ZNF595: variants seen among roughly 807,000 people sequenced by gnomAD.
The protein encoded by ZNF595 is zinc finger protein 595.
In ZNF595, 9 loss-of-function variants were observed where a neutral mutation model predicts 19.4. The ratio of observed to expected loss-of-function variants is 0.46; its 90% confidence interval spans 0.28 to 0.81. The LOEUF is 0.81. Ranked by LOEUF, ZNF595 falls within the 30% of genes least tolerant of loss-of-function variation. The pLI is 0.11. For synonymous variants in ZNF595, 255 were observed against 255.9 expected (o/e 1.00, Z 0.03); for missense variants, 729 against 736.0 (o/e 0.99, Z 0.11).
At position 86,223 on chromosome 4, in the gene ZNF595, C is replaced by A. The variant is rs782660675; in HGVS notation, c.719C>A (p.Ser240Tyr). ...GAATGTGGCAAAGCCTTTAGACGGT[C>A]CACAGTTCTGAACGAACATAAGAAA... ...CEECGKAFRRSTVLNEHKKIH... is the reference protein window; with the variant it reads ...CEECGKAFRRYTVLNEHKKIH... The change falls in exon 4 of 4, where the codon TCC (serine) becomes TAC (tyrosine). Residue 240 changes from serine (S) to tyrosine (Y), a missense_variant. This residue lies in a region of ZNF595 where 729 missense variants were observed against 675.3 expected (regional missense o/e 1.08). Coordinates refer to ENST00000610261, the MANE Select transcript of ZNF595 (RefSeq NM_182524.4). The A allele has an allele frequency of 6.2e-7, 1 of 1,611,684 alleles. No individual in the cohort carries two copies. The highest frequency in any genetic ancestry group is 8.5e-7 in the Non-Finnish European group (1 of 1,178,180).
In ZNF595 at chr4:87,266, G is replaced by A. The variant is rs782528041; in HGVS notation, c.1762G>A (p.Gly588Arg). The change falls in exon 4 of 4, where the codon GGA (glycine) becomes AGA (arginine). Residue 588 changes from glycine (G) to arginine (R), a missense_variant. This residue lies in a region of ZNF595 where 729 missense variants were observed against 675.3 expected (regional missense o/e 1.08). Coordinates refer to ENST00000610261, the MANE Select transcript of ZNF595 (RefSeq NM_182524.4). ...TLTKHKRIHT[G>R]EKPFTCEECG... ...TACTAAACATAAGAGAATTCATACT[G>A]GAGAGAAACCCTTCACATGTGAAGA... 1.2e-6 allele frequency: 2 copies of A among 1,612,082 alleles called. No individual in the cohort carries two copies. The highest frequency in any genetic ancestry group is 1.7e-5 in the Admixed American group (1 of 59,892).
At chr4:73,986 C>G (rs1362760911) in intron 3 of ZNF595, among the ~76,000 whole-genome samples, 1 of 152,014 alleles carries the variant, frequency 6.6e-6, no homozygotes, top group Non-Finnish European at 1.5e-5. Context: ...GGTTGGTGTT[C>G]AGCAAACTCC....
chr4:54,928 C>G (rs1218907888), intron 1 of ZNF595, among the ~76,000 whole-genome samples: 1 of 152,310 alleles, frequency 6.6e-6, no homozygotes, highest in Non-Finnish European at 1.5e-5. Context: ...GTTGCCCAGG[C>G]TGGAGTGCAG....
intron 3 of ZNF595, among the ~76,000 whole-genome samples, chr4:85,127 T>C (rs1714078183): frequency 6.6e-6 from 1 of 152,204 alleles, no homozygotes; most frequent in South Asian, 2.1e-4. Context: ...GTCTGGAATT[T>C]TGTGTTTGTT....
At chr4:66,780 G>T (rs1202525704) in intron 3 of ZNF595, among the ~76,000 whole-genome samples, 4 of 152,154 alleles carry the variant, frequency 2.6e-5, no homozygotes, top group African/African-American at 9.7e-5. Context: ...TGAGTTCTGT[G>T]TTCTGTTCCA....
chr4:86,819 CT>C lies in ZNF595; in HGVS notation c.1317del (p.Ile440TyrfsTer28), dbSNP rs782407055. ...CAAAGCTTTTAACCAATCCTCAACT[CT>C]TATATTACACAAGAGAATCCATTCT... ...CGKAFNQSST[L>X]ILHKRIHSGQ... On this transcript the variant is annotated frameshift_variant, in exon 4 of 4. Coordinates refer to ENST00000610261, the MANE Select transcript of ZNF595 (RefSeq NM_182524.4). LOFTEE classifies it high-confidence loss of function. The C allele has an allele frequency of 5.6e-6, 9 of 1,613,684 alleles. No homozygotes were observed. Among genetic ancestry groups the C allele is most frequent in the African/African-American group, 1.3e-5 (1 of 74,856 alleles).
intron 3 of ZNF595, chr4:68,111 C>CA: frequency 2.2e-6 from 1 of 459,658 alleles, no homozygotes. Context: ...GTGATCCGCC[C>CA]ATTTCGGCCT....
intron 3 of ZNF595, among the ~76,000 whole-genome samples, chr4:80,172 A>T (rs551947759): frequency 6.6e-6 from 1 of 152,234 alleles, no homozygotes; most frequent in South Asian, 2.1e-4. Flanking sequence ...ATAGGCATGC[A>T]CCACCATGCC....
intron 3 of ZNF595, 99 bp from the exon 4 acceptor site, chr4:85,632 T>G: frequency 7.5e-7 from 1 of 1,340,296 alleles, no homozygotes; most frequent in Non-Finnish European, 1.0e-6. Context: ...TTATGCTATC[T>G]TACTAATGCA....
Position 87,285 on chromosome 4 carries a change from G to C in ZNF595, c.1781G>C (p.Cys594Ser), listed in dbSNP as rs781850863. The change falls in exon 4 of 4, where the codon TGT becomes TCT. Residue 594 changes from cysteine (C) to serine (S), a missense_variant. This residue lies in a region of ZNF595 where 729 missense variants were observed against 675.3 expected (regional missense o/e 1.08). Transcript: ENST00000610261. ...CATACTGGAGAGAAACCCTTCACAT[G>C]TGAAGAATGTGGCAAAGCCTTCAAT... ...RIHTGEKPFT[C>S]EECGKAFNWS... The C allele has an allele frequency of 8.1e-6, 13 of 1,613,620 alleles. No individual in the cohort carries two copies. The highest frequency in any genetic ancestry group is 1.1e-5 in the Non-Finnish European group (13 of 1,179,752).
rs1006487805 is a variant in ZNF595, at chr4:83,181, T to C, written c.227-2550T>C. 4.6e-5 allele frequency among the ~76,000 whole-genome samples: 7 copies of C among 152,224 alleles called. No homozygotes were observed. The East Asian group carries it at 7.7e-4, about 17-fold the overall frequency. ...ATGAGCTTTTAGTTAAAATAAGTTT[T>C]ATGAAATGGGAGTTTTTGACTTTAG... is the stretch of plus-strand genomic sequence containing the variant. On this transcript the variant is annotated intron_variant, in intron 3 of 3. Coordinates refer to ENST00000610261, the MANE Select transcript of ZNF595 (RefSeq NM_182524.4).
At chr4:74,345 G>A (rs13125667) in intron 3 of ZNF595, among the ~76,000 whole-genome samples, 11,813 of 152,204 alleles carry the variant, frequency 0.078, 525 homozygotes, top group East Asian at 0.16. Context: ...TCTTTTAGGT[G>A]TAGTTCTTTA....
chr4:65,230 T>C (rs1371582201), intron 3 of ZNF595, among the ~76,000 whole-genome samples: 84 of 143,226 alleles, frequency 5.9e-4, no homozygotes, highest in African/African-American at 2.0e-3. Context: ...GGGCCTGCTT[T>C]TCCCAAATAA....
chr4:54,720 C>T (rs1276220263), intron 1 of ZNF595, among the ~76,000 whole-genome samples: 2 of 152,182 alleles, frequency 1.3e-5, no homozygotes, highest in East Asian at 3.9e-4. Context: ...AACCGCAGAC[C>T]GGATCTACAG....
intron 1 of ZNF595, among the ~76,000 whole-genome samples, chr4:57,478 C>CCCATAAT (rs1581361841): frequency 2.0e-5 from 3 of 151,462 alleles, no homozygotes; most frequent in East Asian, 1.9e-4. Context: ...GGCATCAGCC[C>CCCATAAT]AGGGTCACTG....
rs1376373472 is a variant in ZNF595, at chr4:74,397, G to GTAT, written c.227-11331_227-11329dup. On this transcript the variant is annotated intron_variant, in intron 3 of 3. Transcript: ENST00000610261. ...TTGTTTTCTGTCTGAATGATGTGTT[G>GTAT]TATTAAGTAGGGCAATAAAGTTCCC... Among the ~76,000 whole-genome samples the GTAT allele has an allele frequency of 2.6e-5, 4 of 152,288 alleles. No individual in the cohort carries two copies. In the East Asian group the frequency reaches 5.8e-4, roughly 22 times the overall value.
intron 3 of ZNF595, among the ~76,000 whole-genome samples, chr4:64,488 TCA>T (rs1713000525): frequency 6.6e-6 from 1 of 152,312 alleles, no homozygotes; most frequent in Non-Finnish European, 1.5e-5. Flanking sequence ...GCATAGTGAC[TCA>T]CACCTGTAAT....
chr4:78,423 A>G (rs1713764285), intron 3 of ZNF595, among the ~76,000 whole-genome samples: 1 of 152,242 alleles, frequency 6.6e-6, no homozygotes, highest in African/African-American at 2.4e-5. Context: ...ATTAAAATGT[A>G]CATATAAATC....
intron 3 of ZNF595, among the ~76,000 whole-genome samples, chr4:77,276 G>T: frequency 6.6e-6 from 1 of 150,488 alleles, no homozygotes. Flanking sequence ...ATATCCATTT[G>T]GTTCTCTTTC....
Sources: allele counts gnomAD v4.1 joint callset (sites outside exome capture counted in the v4.1 genomes callset), GRCh38; gene constraint gnomAD v4.1.1; regional missense constraint gnomAD v4.1.1; transcripts MANE v1.5; gene names NCBI Gene and HGNC (gene_info 2026-07-23, HGNC 2026-07-21).